The following TARBP1 variants were observed in gnomAD, a reference collection of about 807,000 sequenced individuals.
TARBP1 encodes the protein tRNA (guanosine(18)-2'-O)-methyltransferase TARBP1.
Under a neutral mutation model 178.6 loss-of-function variants are expected in TARBP1, and 144 were observed. The observed-to-expected ratio is 0.81, with a 90% CI of 0.70 to 0.93. The LOEUF (loss-of-function observed/expected upper bound fraction) is 0.93. Among genes scored for constraint, TARBP1 ranks in the 40% least tolerant of loss-of-function variants. The probability of loss-of-function intolerance (pLI) is 0.00; values close to 1 mark genes in which losing one functional copy is unlikely to be tolerated. For synonymous variants in TARBP1, 787 were observed against 781.0 expected, an observed-to-expected ratio of 1.01 and a Z score of -0.13; for missense variants, 2,067 against 2,011.7, an observed-to-expected ratio of 1.03 and a Z score of -0.53.
At chr1:234,405,708 G>A (rs1193970033) in intron 24 of TARBP1, among the ~76,000 whole-genome samples, 195 bp downstream of exon 24, 1 of 152,168 alleles carries the variant, frequency 6.6e-6, no homozygotes, top group Non-Finnish European at 1.5e-5. Context: ...AGGTCAAGGT[G>A]GAGCTGACAA....
At chr1:234,393,206 C>T (rs1179698993) in intron 28 of TARBP1, among the ~76,000 whole-genome samples, 156 bp downstream of exon 28, 1 of 152,140 alleles carries the variant, frequency 6.6e-6, no homozygotes, top group African/African-American at 2.4e-5. Flanking sequence ...AAAGACTGCA[C>T]TATTATAAAT....
chr1:234,428,493 A>G (rs905511195), intron 17 of TARBP1, among the ~76,000 whole-genome samples: 2 of 152,230 alleles, frequency 1.3e-5, no homozygotes, highest in Admixed American at 1.3e-4. Flanking sequence ...AAGAATGACC[A>G]GTGTTGCTAG....
At position 234,429,118 on chromosome 1, in the gene TARBP1, G is replaced by T; in HGVS notation, c.3060+18C>A. The T allele has an allele frequency of 6.5e-7, 1 of 1,545,014 alleles. No individual in the cohort carries two copies. Among genetic ancestry groups the T allele is most frequent in the Non-Finnish European group, 8.7e-7 (1 of 1,154,276 alleles). On this transcript the variant is annotated intron_variant, in intron 17 of 29. Transcript: ENST00000040877. ...ACACACATGAAAAGAAAAGCAAAAA[G>T]AAAAGAAAGTTAGTTACCTCTTTTA...
At chr1:234,424,723 C>T (rs573038491) in intron 20 of TARBP1, among the ~76,000 whole-genome samples, 13 of 152,170 alleles carry the variant, frequency 8.5e-5, no homozygotes, top group Admixed American at 1.3e-4. Context: ...GCCAGGAGTT[C>T]GAGACCATTC....
chr1:234,465,551 C>G, intron 5 of TARBP1, 105 bp downstream of exon 5: 1 of 981,718 alleles, frequency 1.0e-6, no homozygotes, highest in South Asian at 2.6e-5. Flanking sequence ...ACTCAACTGT[C>G]TATTCAGCAA....
chr1:234,474,944 C>T (rs1456437932), intron 1 of TARBP1, among the ~76,000 whole-genome samples: 3 of 152,188 alleles, frequency 2.0e-5, no homozygotes, highest in East Asian at 1.9e-4. Context: ...GGAAGGAAGG[C>T]GCTCCAAGAA....
chr1:234,447,644 A>G (rs960202037), intron 11 of TARBP1, among the ~76,000 whole-genome samples: 1 of 152,174 alleles, frequency 6.6e-6, no homozygotes, highest in Non-Finnish European at 1.5e-5. Flanking sequence ...TTGTCTAGAA[A>G]AGAGATTTGA....
chr1:234,391,954 C>T (rs1256774269), intron 29 of TARBP1, among the ~76,000 whole-genome samples: 1 of 152,116 alleles, frequency 6.6e-6, no homozygotes, highest in Non-Finnish European at 1.5e-5. Context: ...ATTCCATGTT[C>T]AGCTGGCCAT....
At chr1:234,452,406 T>C (rs1259178070) in intron 9 of TARBP1, among the ~76,000 whole-genome samples, 1 of 152,198 alleles carries the variant, frequency 6.6e-6, no homozygotes, top group Admixed American at 6.5e-5. Flanking sequence ...AATTCAAAAA[T>C]GTGCAAAAGA....
intron 10 of TARBP1, among the ~76,000 whole-genome samples, chr1:234,448,827 T>A (rs1666446862): frequency 6.6e-6 from 1 of 152,156 alleles, no homozygotes; most frequent in Non-Finnish European, 1.5e-5. Flanking sequence ...GCAGACCCAG[T>A]GTTTCCTGTG....
chr1:234,459,579 A>G (rs1231613805), intron 7 of TARBP1, among the ~76,000 whole-genome samples: 2 of 152,186 alleles, frequency 1.3e-5, no homozygotes, highest in Non-Finnish European at 2.9e-5. Context: ...TGAGAGATTG[A>G]GGCGGGTAGG....
At chr1:234,392,275 G>A (rs1041178198) in intron 29 of TARBP1, 141 bp downstream of exon 29, 2 of 1,037,752 alleles carry the variant, frequency 1.9e-6, no homozygotes, top group African/African-American at 3.2e-5. Flanking sequence ...GGCAGAGGTT[G>A]TAGTGAGCCG....
At chr1:234,477,744 C>T (rs1161643450) in intron 1 of TARBP1, among the ~76,000 whole-genome samples, 3 of 151,976 alleles carry the variant, frequency 2.0e-5, no homozygotes, top group Admixed American at 6.5e-5. Flanking sequence ...GCCTCTATGA[C>T]GCTTAATTCT....
At chr1:234,440,361 CAA>C (rs34253337) in intron 12 of TARBP1, among the ~76,000 whole-genome samples, 1 of 141,640 alleles carries the variant, frequency 7.1e-6, no homozygotes, top group African/African-American at 2.6e-5. Flanking sequence ...TGAAATTGAC[CAA>C]AAAAAAAAAT....
At chr1:234,434,276 GA>G (rs1664785090) in intron 13 of TARBP1, among the ~76,000 whole-genome samples, 1 of 152,136 alleles carries the variant, frequency 6.6e-6, no homozygotes, top group Non-Finnish European at 1.5e-5. Flanking sequence ...GTTTCTGAAG[GA>G]ATCAATGGGA....
intron 3 of TARBP1, 146 bp from the exon 4 acceptor site, chr1:234,467,796 G>A (rs41303087): frequency 2.2e-4 from 199 of 890,308 alleles, no homozygotes; most frequent in Non-Finnish European, 2.5e-4. Flanking sequence ...TTGAGAGACA[G>A]GTTCTCACTG....
chr1:234,399,713 T>C (rs971019427), intron 25 of TARBP1, among the ~76,000 whole-genome samples: 1 of 151,988 alleles, frequency 6.6e-6, no homozygotes, highest in Non-Finnish European at 1.5e-5. Flanking sequence ...CCATAAAAAA[T>C]GATGAGTTCA....
At chr1:234,440,964 G>A (rs745715541) in intron 12 of TARBP1, among the ~76,000 whole-genome samples, 6 of 152,094 alleles carry the variant, frequency 3.9e-5, no homozygotes, top group Non-Finnish European at 7.4e-5. Context: ...TGGGCAGATC[G>A]CCTGAGGTCA....
intron 1 of TARBP1, 48 bp from the exon 2 acceptor site, chr1:234,472,859 A>G (rs368004344): frequency 6.2e-5 from 87 of 1,408,628 alleles, no homozygotes; most frequent in Admixed American, 2.3e-4. Context: ...TGCAAATTTC[A>G]TAAGTTTCTC....
Sources: gnomAD v4.1 joint callset for allele counts (sites outside exome capture counted in the v4.1 genomes callset) on GRCh38, gnomAD v4.1.1 for gene constraint, MANE v1.5 for transcripts, NCBI Gene and HGNC (gene_info 2026-07-23, HGNC 2026-07-21) for gene names.